The following SRPK2 variants were observed in gnomAD, a reference collection of about 807,000 sequenced individuals.
The protein encoded by SRPK2 is SFRS protein kinase 2.
SRPK2 carries 21 observed loss-of-function variants against 90.8 expected under a neutral mutation model. The observed-to-expected ratio is 0.23, with a 90% CI of 0.16 to 0.33. The LOEUF (loss-of-function observed/expected upper bound fraction) is 0.33. SRPK2 is among the 10% of genes least tolerant of loss of function. The pLI, the probability that SRPK2 is intolerant of heterozygous loss-of-function variation, is 1.00. For missense variants in SRPK2, 620 were observed against 869.0 expected (o/e 0.71, Z 3.60); for synonymous variants, 288 against 311.1 (o/e 0.93, Z 0.78).
At chr7:105,168,661 G>A (rs1417987289) in intron 4 of SRPK2, among the ~76,000 whole-genome samples, 4 of 150,290 alleles carry the variant, frequency 2.7e-5, no homozygotes, top group Non-Finnish European at 5.9e-5. Context: ...GAGTTATCAC[G>A]AATATTACAC....
chr7:105,350,207 T>G (rs1177874441), intron 2 of SRPK2, among the ~76,000 whole-genome samples: 1 of 144,332 alleles, frequency 6.9e-6, no homozygotes, highest in African/African-American at 2.5e-5. Context: ...CTCAGCTCAC[T>G]GCAACCTCCG....
At chr7:105,342,319 C>T (rs1815913186) in intron 2 of SRPK2, among the ~76,000 whole-genome samples, 2 of 150,438 alleles carry the variant, frequency 1.3e-5, no homozygotes, top group Admixed American at 1.3e-4. Context: ...AGCAAAACTC[C>T]GTCTCAAATT....
At chr7:105,267,561 C>G (rs2130385664) in intron 2 of SRPK2, among the ~76,000 whole-genome samples, 1 of 152,310 alleles carries the variant, frequency 6.6e-6, no homozygotes, top group South Asian at 2.1e-4. Context: ...AAAATAAACA[C>G]TAGCAGTCCT....
chr7:105,390,620 T>G (rs528008772), upstream of SRPK2, among the ~76,000 whole-genome samples: 808 of 148,616 alleles, frequency 5.4e-3, 8 homozygotes, highest in Middle Eastern at 0.014. Flanking sequence ...TTTTTTTTTT[T>G]TTTTTTTTTT....
chr7:105,293,482 A>G (rs79421114), intron 2 of SRPK2, among the ~76,000 whole-genome samples: 2,698 of 151,904 alleles, frequency 0.018, 93 homozygotes, highest in African/African-American at 0.062. Context: ...AGTCTTTGCA[A>G]CCTTCCCCCT....
chr7:105,142,030 G>A lies in SRPK2; in HGVS notation c.1521C>T (p.Ser507=), dbSNP rs755253966. ...TACCTTTTGGCAAATCCCCAGTACT[G>A]GAGGCTGAAACCGTTCTGCTTCTGT... ...SHDRSRTVSA[S]STGDLPKAKT... Residue 507 remains serine (S), a synonymous_variant, in exon 11 of 16, where the codon TCC becomes TCT. Coordinates refer to ENST00000393651, the MANE Select transcript of SRPK2 (RefSeq NM_182692.3). The A allele has an allele frequency of 6.2e-7, 1 of 1,612,880 alleles. No individual in the cohort carries two copies. Among genetic ancestry groups the A allele is most frequent in the Admixed American group, 1.7e-5 (1 of 59,892 alleles).
At chr7:105,202,989 A>G (rs1045506593) in intron 3 of SRPK2, among the ~76,000 whole-genome samples, 1 of 152,016 alleles carries the variant, frequency 6.6e-6, no homozygotes, top group African/African-American at 2.4e-5. Flanking sequence ...TAATGTTTTT[A>G]TTGTACTTTA....
At chr7:105,301,472 G>C in intron 2 of SRPK2, 1 of 1,003,418 alleles carries the variant, frequency 1.0e-6, no homozygotes, top group Non-Finnish European at 1.6e-6. Context: ...CTTTGTCTTC[G>C]TTGTTGCAAG....
chr7:105,236,472 G>C (rs1214739328), intron 2 of SRPK2, among the ~76,000 whole-genome samples: 1 of 151,940 alleles, frequency 6.6e-6, no homozygotes, highest in African/African-American at 2.4e-5. Context: ...ACAGGCAGCA[G>C]ATTCACTAAC....
chr7:105,269,175 A>T lies in SRPK2; in HGVS notation c.72-65390T>A, dbSNP rs1265060709. On this transcript the variant is annotated intron_variant, in intron 2 of 15. Transcript: ENST00000393651. ...TACAAGATGATTTTCAATTTAGCAA[A>T]ATAAAATACAAACAAGAAATCTTGA... 6 of 779,708 alleles carry T rather than the reference A, an allele frequency of 7.7e-6. No homozygotes were observed. In the Admixed American group the frequency reaches 1.9e-4, roughly 24 times the overall value. The allele number at this position is 779,708 out of a possible 1,614,324, so 48.3% of individuals were successfully genotyped here.
chr7:105,316,932 T>C (rs889313588), intron 2 of SRPK2, among the ~76,000 whole-genome samples: 5 of 152,350 alleles, frequency 3.3e-5, no homozygotes, highest in African/African-American at 1.2e-4. Flanking sequence ...GAGGCTTAAG[T>C]GAGACTGAAT....
intron 2 of SRPK2, among the ~76,000 whole-genome samples, chr7:105,289,328 A>G (rs1808636100): frequency 6.6e-6 from 1 of 152,164 alleles, no homozygotes; most frequent in Non-Finnish European, 1.5e-5. Flanking sequence ...TCACATCATT[A>G]TGTAATAACA....
At chr7:105,348,317 C>T (rs1201225164) in intron 2 of SRPK2, among the ~76,000 whole-genome samples, 1 of 151,950 alleles carries the variant, frequency 6.6e-6, no homozygotes, top group African/African-American at 2.4e-5. Flanking sequence ...GTGATCCACC[C>T]ACCTCGACTT....
intron 11 of SRPK2, among the ~76,000 whole-genome samples, chr7:105,139,375 C>A (rs1803365239): frequency 6.6e-6 from 1 of 152,130 alleles, no homozygotes; most frequent in Admixed American, 6.5e-5. Flanking sequence ...GGAGGTATGA[C>A]TGGCAAAATG....
chr7:105,230,298 A>T (rs916115130), intron 2 of SRPK2, among the ~76,000 whole-genome samples: 2 of 152,242 alleles, frequency 1.3e-5, no homozygotes, highest in Admixed American at 1.3e-4. Flanking sequence ...ACAAGAACAA[A>T]GGGCGGACAA....
At chr7:105,361,737 T>C (rs1299920260) in intron 2 of SRPK2, among the ~76,000 whole-genome samples, 1 of 152,178 alleles carries the variant, frequency 6.6e-6, no homozygotes, top group Non-Finnish European at 1.5e-5. Context: ...GCATTCCCCA[T>C]TTAATAAATG....
rs148719526 is a variant in SRPK2 at position 105,365,668 on chromosome 7, G to A, written c.71+22980C>T. On this transcript the variant is annotated intron_variant, in intron 2 of 15. Transcript: ENST00000393651. ...TTAAAAATTAGCTGGGCGTGGTGGC[G>A]TGTACCTGCAGTCTCAGCTACTCGG... 3.8e-3 allele frequency among the ~76,000 whole-genome samples: 571 copies of A among 151,600 alleles called. 12 individuals are homozygous for A. The highest frequency in any genetic ancestry group is 0.034 in the Admixed American group (512 of 15,130).
chr7:105,344,299 T>C (rs1167979622), intron 2 of SRPK2, among the ~76,000 whole-genome samples: 1 of 151,748 alleles, frequency 6.6e-6, no homozygotes, highest in Non-Finnish European at 1.5e-5. Context: ...TAGAATTTTT[T>C]TTTTCTTTGA....
At chr7:105,170,953 A>AAGAAAGAAAG (rs1790969752) in intron 3 of SRPK2, among the ~76,000 whole-genome samples, 1 of 46,488 alleles carries the variant, frequency 2.2e-5, no homozygotes, top group Non-Finnish European at 5.5e-5. Context: ...GAAAGAAAGA[A>AAGAAAGAAAG]AGAAAGAAAG....
Sources: gnomAD v4.1 joint callset for allele counts (sites outside exome capture counted in the v4.1 genomes callset) on GRCh38, gnomAD v4.1.1 for gene constraint, MANE v1.5 for transcripts, NCBI Gene and HGNC (gene_info 2026-07-23, HGNC 2026-07-21) for gene names.